Variants in CADPS observed in about 807,000 individuals in gnomAD.
The protein encoded by CADPS is calcium dependent secretion activator.
In CADPS, 57 loss-of-function variants were observed where a neutral mutation model predicts 167.3. That is an observed-to-expected ratio of 0.34 (90% CI 0.28 to 0.42). The LOEUF is 0.42. Among genes scored for constraint, CADPS ranks in the 20% least tolerant of loss-of-function variants. The pLI, the probability that CADPS is intolerant of heterozygous loss-of-function variation, is 1.00. For synonymous variants in CADPS, 676 were observed against 635.3 expected (o/e 1.06, Z -0.96); for missense variants, 1,414 against 1,738.1 (o/e 0.81, Z 3.32).
At chr3:62,636,819 C>T (rs1042424690) in intron 6 of CADPS, among the ~76,000 whole-genome samples, 4 of 152,078 alleles carry the variant, frequency 2.6e-5, no homozygotes, top group Admixed American at 2.0e-4. Flanking sequence ...ATTCCTCTTG[C>T]CTTTGAGAAC....
intron 1 of CADPS, among the ~76,000 whole-genome samples, chr3:62,849,112 C>T (rs28825386): frequency 5.3e-5 from 8 of 151,026 alleles, no homozygotes; most frequent in Admixed American, 2.0e-4. Flanking sequence ...CTTGTGATTT[C>T]TGTACATTGA....
At chr3:62,674,008 T>G (rs761428321) in intron 3 of CADPS, among the ~76,000 whole-genome samples, 2 of 152,160 alleles carry the variant, frequency 1.3e-5, no homozygotes, top group African/African-American at 2.4e-5. Context: ...TGCTCTTTAT[T>G]TTAAGAAGAA....
intron 6 of CADPS, among the ~76,000 whole-genome samples, chr3:62,617,770 G>A (rs1048636108): frequency 6.6e-6 from 1 of 152,138 alleles, no homozygotes; most frequent in African/African-American, 2.4e-5. Flanking sequence ...GCTTACTTAG[G>A]TTGCTGAAGA....
At chr3:62,402,834 G>C (rs1006169993) in intron 29 of CADPS, among the ~76,000 whole-genome samples, 5 of 152,190 alleles carry the variant, frequency 3.3e-5, no homozygotes, top group African/African-American at 1.2e-4. Context: ...CCGTATTTTT[G>C]TATGGCAAAA....
Position 62,650,981 on chromosome 3 carries a change from T to G in CADPS, c.1069A>C (p.Met357Leu). 6.2e-7 allele frequency: 1 copy of G among 1,614,132 alleles called. No homozygotes were observed. Among genetic ancestry groups the G allele is most frequent in the Non-Finnish European group, 8.5e-7 (1 of 1,179,964 alleles). ...VNLLMANLES[M>L]PVSKGGEFKL... Reference sequence around the variant, plus strand: ...AACTCCCCGCCTTTGGATACCGGCATGCTCTCCAAGTTGGCCATGAGCAGG... The same window carrying G: ...AACTCCCCGCCTTTGGATACCGGCAGGCTCTCCAAGTTGGCCATGAGCAGG... The change falls in exon 5 of 30, where the codon ATG (methionine) becomes CTG (leucine). Residue 357 changes from methionine to leucine, a missense_variant. By Grantham distance (15) the Met-to-Leu change is conservative. Around this residue, in one of 6 missense-constraint regions of CADPS, gnomAD observed 522 missense variants for 559.5 expected, o/e 0.93. Coordinates refer to ENST00000383710, the MANE Select transcript of CADPS (RefSeq NM_003716.4).
chr3:62,723,886 T>C (rs2076270930), intron 3 of CADPS, among the ~76,000 whole-genome samples: 1 of 152,102 alleles, frequency 6.6e-6, no homozygotes, highest in South Asian at 2.1e-4. Flanking sequence ...CAGAATTCAG[T>C]GGGAGGCCTT....
At chr3:62,513,544 C>A in intron 16 of CADPS, 1 of 805,360 alleles carries the variant, frequency 1.2e-6, no homozygotes, top group Non-Finnish European at 2.0e-6. Flanking sequence ...AAACTTGAAG[C>A]AAGGAGAGTG....
At chr3:62,679,490 T>C (rs557155388) in intron 3 of CADPS, among the ~76,000 whole-genome samples, 2 of 151,956 alleles carry the variant, frequency 1.3e-5, no homozygotes, top group African/African-American at 4.8e-5. Context: ...AGGAAGCTGA[T>C]GAAGATCTCC....
At chr3:62,744,370 G>A (rs1242783787) in intron 3 of CADPS, among the ~76,000 whole-genome samples, 1 of 148,896 alleles carries the variant, frequency 6.7e-6, no homozygotes. Flanking sequence ...AAAAAAAAAA[G>A]GATTGAAACA....
chr3:62,864,932 T>C (rs2081416232), intron 1 of CADPS, among the ~76,000 whole-genome samples: 1 of 152,160 alleles, frequency 6.6e-6, no homozygotes, highest in Non-Finnish European at 1.5e-5. Flanking sequence ...AAAATGACTT[T>C]ACATACTTTT....
intron 18 of CADPS, among the ~76,000 whole-genome samples, chr3:62,494,228 G>A (rs996386774): frequency 6.6e-6 from 1 of 152,152 alleles, no homozygotes; most frequent in Non-Finnish European, 1.5e-5. Context: ...CTGCAGATGA[G>A]AGCCCTGGGG....
At chr3:62,765,779 A>G in intron 2 of CADPS, 92 bp downstream of exon 2, 1 of 718,944 alleles carries the variant, frequency 1.4e-6, no homozygotes, top group South Asian at 2.0e-5. Flanking sequence ...ACTGTAGTAA[A>G]CCAAAACGAC....
chr3:62,837,987 G>A lies in CADPS; in HGVS notation c.441+36602C>T, dbSNP rs563835197. Among the ~76,000 whole-genome samples, 8 of 152,322 alleles carry A rather than the reference G, an allele frequency of 5.3e-5. No homozygotes were observed. The South Asian group carries it at 8.3e-4, about 16-fold the overall frequency. ...CCCTCAAAATGCACATGCTGACAGAGGGAACTGGCTTTACATGAATGGGTT... is the reference window on the plus strand; with the variant it reads ...CCCTCAAAATGCACATGCTGACAGAAGGAACTGGCTTTACATGAATGGGTT... On this transcript the variant is annotated intron_variant, in intron 1 of 29. Transcript: ENST00000383710.
intron 2 of CADPS, among the ~76,000 whole-genome samples, chr3:62,758,751 A>G (rs954958196): frequency 6.6e-6 from 1 of 152,226 alleles, no homozygotes; most frequent in African/African-American, 2.4e-5. Flanking sequence ...GATGGAAGAT[A>G]AACAAATAAA....
At chr3:62,837,368 C>A (rs191857900) in intron 1 of CADPS, among the ~76,000 whole-genome samples, 7 of 152,330 alleles carry the variant, frequency 4.6e-5, no homozygotes, top group Admixed American at 6.5e-5. Flanking sequence ...ACACCCTTTG[C>A]TCCCACTGAC....
intron 13 of CADPS, among the ~76,000 whole-genome samples, chr3:62,524,805 G>C (rs557282084): frequency 6.6e-6 from 1 of 152,162 alleles, no homozygotes. Context: ...CAGATGATTA[G>C]AGAAATTGTA....
intron 3 of CADPS, among the ~76,000 whole-genome samples, chr3:62,737,630 T>C (rs1204955382): frequency 6.6e-6 from 1 of 152,204 alleles, no homozygotes; most frequent in African/African-American, 2.4e-5. Flanking sequence ...AAATCCAAGC[T>C]CTGAGGTATG....
At chr3:62,691,944 G>GA (rs576093801) in intron 3 of CADPS, among the ~76,000 whole-genome samples, 1 of 151,010 alleles carries the variant, frequency 6.6e-6, no homozygotes, top group East Asian at 1.9e-4. Context: ...AAAAGTTGAA[G>GA]AAAAAAAAGA....
At chr3:62,490,440 TCTGAGA>T (rs1349975384) in intron 21 of CADPS, among the ~76,000 whole-genome samples, 8 of 151,612 alleles carry the variant, frequency 5.3e-5, no homozygotes, top group Non-Finnish European at 7.4e-5. Context: ...GAAAGGGGAG[TCTGAGA>T]CTGACCCTCT....
Sources: allele counts gnomAD v4.1 joint callset (sites outside exome capture counted in the v4.1 genomes callset), GRCh38; gene constraint gnomAD v4.1.1; regional missense constraint gnomAD v4.1.1; transcripts MANE v1.5; gene names NCBI Gene and HGNC (gene_info 2026-07-23, HGNC 2026-07-21).